The following ROBO2 variants were observed in gnomAD, a reference collection of about 807,000 sequenced individuals.
The protein encoded by ROBO2 is roundabout guidance receptor 2.
In ROBO2, 53 loss-of-function variants were observed where a neutral mutation model predicts 160.8. The observed-to-expected ratio is 0.33, with a 90% CI of 0.26 to 0.41. The LOEUF is 0.41. Ranked by LOEUF, ROBO2 falls within the 10% of genes least tolerant of loss-of-function variation. ROBO2 has a pLI of 1.00. For missense variants in ROBO2, 1,577 were observed against 1,722.4 expected, an observed-to-expected ratio of 0.92 and a Z score of 1.49; for synonymous variants, 664 against 611.7, an observed-to-expected ratio of 1.09 and a Z score of -1.26.
chr3:76,761,033 T>A (rs1211369015), intron 2 of ROBO2, among the ~76,000 whole-genome samples: 1 of 151,654 alleles, frequency 6.6e-6, no homozygotes, highest in African/African-American at 2.4e-5. Flanking sequence ...GCCTGAATGA[T>A]CCCTGTATTT....
chr3:76,250,907 T>C (rs34995190), intron 2 of ROBO2, among the ~76,000 whole-genome samples: 18,942 of 152,042 alleles, frequency 0.12, 1,839 homozygotes, highest in East Asian at 0.42. Context: ...GGGTAAAAAG[T>C]AAGCAACAAC....
At chr3:77,404,452 A>G (rs958608405) in intron 2 of ROBO2, among the ~76,000 whole-genome samples, 6 of 152,224 alleles carry the variant, frequency 3.9e-5, no homozygotes, top group African/African-American at 7.2e-5. Context: ...CTAGAAATAA[A>G]CACACAAATA....
chr3:76,740,084 A>G (rs2093777847), intron 2 of ROBO2, among the ~76,000 whole-genome samples: 1 of 152,224 alleles, frequency 6.6e-6, no homozygotes, highest in South Asian at 2.1e-4. Flanking sequence ...ATTTTTAAGG[A>G]ACAACTTTAT....
chr3:76,128,130 G>A lies in ROBO2; in HGVS notation c.109+190528G>A, dbSNP rs145276615. ...AATCTGGTCTTGAACTCCTGACCTC[G>A]TGATCCACCCACCTCGGCCTCCCAA... On this transcript the variant is annotated intron_variant, in intron 2 of 26. Transcript: ENST00000487694. Among the ~76,000 whole-genome samples the A allele has an allele frequency of 9.5e-3, 1,436 of 151,798 alleles. 24 individuals carry two copies. Among genetic ancestry groups the A allele is most frequent in the African/African-American group, 0.033 (1,381 of 41,336 alleles).
intron 2 of ROBO2, among the ~76,000 whole-genome samples, chr3:76,994,299 C>A (rs1435769006): frequency 1.3e-5 from 2 of 152,130 alleles, no homozygotes; most frequent in Admixed American, 1.3e-4. Context: ...TCACATAGGA[C>A]TTTGTGTACT....
chr3:76,367,572 A>T (rs564247891), intron 2 of ROBO2, among the ~76,000 whole-genome samples: 1 of 152,026 alleles, frequency 6.6e-6, no homozygotes, highest in Non-Finnish European at 1.5e-5. Flanking sequence ...TATTTAAGTC[A>T]TAAAACAATT....
At chr3:76,607,580 AAAG>A (rs1254296244) in intron 2 of ROBO2, among the ~76,000 whole-genome samples, 5 of 152,234 alleles carry the variant, frequency 3.3e-5, no homozygotes, top group Admixed American at 2.6e-4. Flanking sequence ...TTATTGCTTC[AAAG>A]AAGGCACAAC....
At chr3:76,235,354 C>T (rs1704878875) in intron 2 of ROBO2, among the ~76,000 whole-genome samples, 1 of 152,108 alleles carries the variant, frequency 6.6e-6, no homozygotes, top group African/African-American at 2.4e-5. Context: ...TTTCTACAAG[C>T]CAAGAGGTGC....
intron 5 of ROBO2, among the ~76,000 whole-genome samples, chr3:77,510,778 G>A (rs1227201788): frequency 6.6e-6 from 1 of 151,872 alleles, no homozygotes; most frequent in East Asian, 1.9e-4. Flanking sequence ...TTATATGCAC[G>A]GCAGAAAATA....
chr3:76,646,223 T>G (rs1271408898), intron 2 of ROBO2, among the ~76,000 whole-genome samples: 1 of 152,116 alleles, frequency 6.6e-6, no homozygotes, highest in Non-Finnish European at 1.5e-5. Context: ...AAAGCCTGAG[T>G]TGCTGAGCTA....
intron 2 of ROBO2, among the ~76,000 whole-genome samples, chr3:76,269,429 C>T (rs541349562): frequency 1.2e-3 from 179 of 152,112 alleles, no homozygotes; most frequent in Admixed American, 2.0e-3. Context: ...CTTTTTCCTT[C>T]TGAATGTTCA....
intron 1 of ROBO2, among the ~76,000 whole-genome samples, chr3:75,913,383 C>G (rs1946679433): frequency 6.6e-6 from 1 of 152,146 alleles, no homozygotes; most frequent in East Asian, 1.9e-4. Flanking sequence ...CCAAGAACAT[C>G]TTTTGGGACT....
chr3:77,508,292 A>T (rs534173378), intron 5 of ROBO2, among the ~76,000 whole-genome samples: 1 of 148,354 alleles, frequency 6.7e-6, no homozygotes, highest in African/African-American at 2.4e-5. Flanking sequence ...TAGTATATAT[A>T]TTTTTAAAAT....
intron 2 of ROBO2, among the ~76,000 whole-genome samples, chr3:77,308,679 C>T (rs938617095): frequency 1.1e-4 from 16 of 152,068 alleles, no homozygotes; most frequent in African/African-American, 3.9e-4. Context: ...TTCAGTGAAA[C>T]GAGTGGGGCC....
intron 2 of ROBO2, among the ~76,000 whole-genome samples, chr3:76,515,997 C>A (rs1243118162): frequency 1.3e-5 from 2 of 151,950 alleles, no homozygotes; most frequent in Non-Finnish European, 2.9e-5. Flanking sequence ...AAAATATAAA[C>A]CTGCTATGAA....
intron 2 of ROBO2, among the ~76,000 whole-genome samples, chr3:76,792,760 A>C (rs2063448943): frequency 6.6e-6 from 1 of 151,822 alleles, no homozygotes; most frequent in Non-Finnish European, 1.5e-5. Context: ...CTCTGGTAAG[A>C]AGTAAGTTTG....
intron 1 of ROBO2, among the ~76,000 whole-genome samples, chr3:75,918,678 T>C (rs934012476): frequency 6.6e-6 from 1 of 152,114 alleles, no homozygotes; most frequent in African/African-American, 2.4e-5. Flanking sequence ...ATGGAATGTT[T>C]CTCTATATGT....
intron 8 of ROBO2, among the ~76,000 whole-genome samples, chr3:77,556,760 A>G (rs1178269515): frequency 6.6e-6 from 1 of 151,926 alleles, no homozygotes; most frequent in Non-Finnish European, 1.5e-5. Flanking sequence ...ATTAGAATCC[A>G]TCATTCATTT....
At chr3:75,914,486 C>G (rs1946725729) in intron 1 of ROBO2, among the ~76,000 whole-genome samples, 1 of 152,056 alleles carries the variant, frequency 6.6e-6, no homozygotes, top group African/African-American at 2.4e-5. Context: ...GTTTTTAAGT[C>G]TTTTTCATTT....
Sources: allele counts gnomAD v4.1 joint callset (sites outside exome capture counted in the v4.1 genomes callset), GRCh38; gene constraint gnomAD v4.1.1; transcripts MANE v1.5; gene names NCBI Gene and HGNC (gene_info 2026-07-23, HGNC 2026-07-21).